The following TAFA5 variants were observed in gnomAD, a reference collection of about 807,000 sequenced individuals.
The protein encoded by TAFA5 is TAFA chemokine like family member 5.
In TAFA5, 6 loss-of-function variants were observed where a neutral mutation model predicts 15.3. That is an observed-to-expected ratio of 0.39 (90% CI 0.21 to 0.77). The LOEUF is 0.77. Among genes scored for constraint, TAFA5 ranks in the 30% least tolerant of loss-of-function variants. TAFA5 has a pLI of 0.41. For synonymous variants in TAFA5, 103 were observed against 80.7 expected, an observed-to-expected ratio of 1.28 and a Z score of -1.48; for missense variants, 161 against 193.1, an observed-to-expected ratio of 0.83 and a Z score of 0.98.
chr22:48,638,899 C>A (rs1926571389), intron 1 of TAFA5, among the ~76,000 whole-genome samples: 1 of 114,116 alleles, frequency 8.8e-6, no homozygotes, highest in Admixed American at 8.4e-5. Context: ...GGACCCCCCC[C>A]CATCCCCCGA....
intron 1 of TAFA5, among the ~76,000 whole-genome samples, chr22:48,559,984 C>A (rs539973249): frequency 1.3e-5 from 2 of 152,302 alleles, no homozygotes; most frequent in South Asian, 2.1e-4. Context: ...GGGGTCCAGA[C>A]CCCCGTGGGT....
intron 2 of TAFA5, among the ~76,000 whole-genome samples, chr22:48,705,208 G>T (rs777320804): frequency 1.3e-5 from 2 of 152,110 alleles, no homozygotes; most frequent in South Asian, 4.1e-4. Context: ...GCTGGTGGAC[G>T]CCTGCCTCCC....
intron 3 of TAFA5, among the ~76,000 whole-genome samples, chr22:48,713,205 G>A (rs973685346): frequency 1.2e-4 from 19 of 152,138 alleles, no homozygotes; most frequent in Non-Finnish European, 2.4e-4. Flanking sequence ...GGTTCTATTC[G>A]GGAACTCGTA....
intron 1 of TAFA5, among the ~76,000 whole-genome samples, chr22:48,601,303 A>G (rs976629119): frequency 3.3e-5 from 5 of 152,206 alleles, no homozygotes; most frequent in Non-Finnish European, 5.9e-5. Context: ...TGACGTGTGT[A>G]TATATCCTTA....
intron 1 of TAFA5, among the ~76,000 whole-genome samples, chr22:48,586,681 C>T (rs2060414579): frequency 6.6e-6 from 1 of 152,232 alleles, no homozygotes; most frequent in Non-Finnish European, 1.5e-5. Context: ...TGCCTGGCTT[C>T]TCTGGATCCG....
intron 2 of TAFA5, among the ~76,000 whole-genome samples, chr22:48,695,013 C>T (rs556683584): frequency 2.7e-4 from 41 of 151,986 alleles, no homozygotes; most frequent in African/African-American, 6.5e-4. Flanking sequence ...TCACAGTGAC[C>T]GTCCTCAGTG....
At chr22:48,630,637 G>A (rs113422995) in intron 1 of TAFA5, among the ~76,000 whole-genome samples, 72 of 152,274 alleles carry the variant, frequency 4.7e-4, no homozygotes, top group Admixed American at 7.2e-4. Flanking sequence ...TGTGCAGTGA[G>A]TGCCGCTTCC....
At chr22:48,702,266 G>T (rs1928933719) in intron 2 of TAFA5, among the ~76,000 whole-genome samples, 1 of 152,126 alleles carries the variant, frequency 6.6e-6, no homozygotes. Context: ...AGATGGGGCT[G>T]ACTGGCACCT....
rs190626217 is a variant in TAFA5 at position 48,528,015 on chromosome 22, G to A, written c.112+38311G>A. ...GAATGTCATGTGACCCTTGGTGCAG[G>A]GCACCAGACAGGCAGATGAAAGCGG... is the stretch of plus-strand genomic sequence containing the variant. On this transcript the variant is annotated intron_variant, in intron 1 of 3. Coordinates refer to ENST00000402357, the MANE Select transcript of TAFA5 (RefSeq NM_001082967.3). 1.6e-4 allele frequency among the ~76,000 whole-genome samples: 25 copies of A among 152,370 alleles called. No homozygotes were observed. In the East Asian group the frequency reaches 4.6e-3, roughly 28 times the overall value.
intron 2 of TAFA5, among the ~76,000 whole-genome samples, chr22:48,669,917 C>G (rs1457790209): frequency 6.6e-6 from 1 of 152,252 alleles, no homozygotes; most frequent in Non-Finnish European, 1.5e-5. Context: ...CCCGCCTGAG[C>G]TGGCTTCTCC....
rs1400466553 is a variant in TAFA5 at position 48,654,114 on chromosome 22, C to T, written c.262+7368C>T. Reference sequence around the variant, plus strand: ...GTCCTGTCCCGTCACGTTGGCGCCGCGGCTCTGGAGGGAAGAGGGCGGTCA... The same window carrying T: ...GTCCTGTCCCGTCACGTTGGCGCCGTGGCTCTGGAGGGAAGAGGGCGGTCA... On this transcript the variant is annotated intron_variant, in intron 2 of 3. Coordinates refer to ENST00000402357, the MANE Select transcript of TAFA5 (RefSeq NM_001082967.3). 3.3e-5 allele frequency among the ~76,000 whole-genome samples: 5 copies of T among 152,208 alleles called. 1 individual carries two copies. The highest frequency in any genetic ancestry group is 2.0e-4 in the Admixed American group (3 of 15,288).
intron 3 of TAFA5, among the ~76,000 whole-genome samples, chr22:48,747,891 T>C (rs769233562): frequency 1.9e-5 from 2 of 103,262 alleles, no homozygotes; most frequent in Non-Finnish European, 3.9e-5. Flanking sequence ...AGCAAGACTC[T>C]GTCTAAAAAA....
At chr22:48,659,142 T>C (rs1927348162) in intron 2 of TAFA5, among the ~76,000 whole-genome samples, 1 of 152,214 alleles carries the variant, frequency 6.6e-6, no homozygotes, top group Non-Finnish European at 1.5e-5. Context: ...GCCTGTTGGC[T>C]GCAGAGGCGG....
chr22:48,637,812 C>T (rs1264509424), intron 1 of TAFA5, among the ~76,000 whole-genome samples: 2 of 152,072 alleles, frequency 1.3e-5, no homozygotes, highest in Non-Finnish European at 2.9e-5. Context: ...CCACCGAGCA[C>T]AGCCGAGCCA....
chr22:48,716,570 T>C (rs9628516), intron 3 of TAFA5, among the ~76,000 whole-genome samples: 9,073 of 152,168 alleles, frequency 0.06, 332 homozygotes, highest in Admixed American at 0.093. Context: ...CTAATGCATG[T>C]GGGGCTTAAA....
At chr22:48,586,894 G>C (rs987059958) in intron 1 of TAFA5, among the ~76,000 whole-genome samples, 1 of 152,234 alleles carries the variant, frequency 6.6e-6, no homozygotes, top group Non-Finnish European at 1.5e-5. Context: ...GGCAGGATGG[G>C]CTCCCACCTT....
intron 1 of TAFA5, 36 bp from the exon 2 acceptor site, chr22:48,646,561 G>C: frequency 6.2e-7 from 1 of 1,606,320 alleles, no homozygotes; most frequent in Non-Finnish European, 8.5e-7. Flanking sequence ...TGTCTGTAAC[G>C]TGTGGCCGCT....
At chr22:48,524,040 G>A (rs2147108714) in intron 1 of TAFA5, among the ~76,000 whole-genome samples, 1 of 152,378 alleles carries the variant, frequency 6.6e-6, no homozygotes, top group African/African-American at 2.4e-5. Flanking sequence ...GGCGGAAGCA[G>A]GGTGGGAAGA....
chr22:48,693,192 C>T (rs980532077), intron 2 of TAFA5: 1 of 1,091,916 alleles, frequency 9.2e-7, no homozygotes, highest in Admixed American at 2.3e-5. Context: ...CCTGGAGGGG[C>T]CTCAGTGACG....
Sources: allele counts gnomAD v4.1 joint callset (sites outside exome capture counted in the v4.1 genomes callset), GRCh38; gene constraint gnomAD v4.1.1; transcripts MANE v1.5; gene names NCBI Gene and HGNC (gene_info 2026-07-23, HGNC 2026-07-21).